The following NRXN3 variants were observed in gnomAD, a reference collection of about 807,000 sequenced individuals.
NRXN3 encodes neurexin III.
In NRXN3, 32 loss-of-function variants were observed where a neutral mutation model predicts 137.6. The ratio of observed to expected loss-of-function variants is 0.23; its 90% CI spans 0.18 to 0.31. The LOEUF is 0.31. Among genes scored for constraint, NRXN3 ranks in the 10% least tolerant of loss-of-function variants. NRXN3 has a pLI of 1.00. For missense variants in NRXN3, 1,574 were observed against 2,062.5 expected (o/e 0.76, Z 4.59); for synonymous variants, 798 against 784.5 (o/e 1.02, Z -0.29).
intron 8 of NRXN3, among the ~76,000 whole-genome samples, chr14:78,784,831 A>G (rs1170353814): frequency 6.6e-6 from 1 of 152,154 alleles, no homozygotes; most frequent in African/African-American, 2.4e-5. Flanking sequence ...GCGTGTTCTC[A>G]GAAGATAGAC....
chr14:79,787,586 C>G (rs1396801802), intron 19 of NRXN3, among the ~76,000 whole-genome samples: 2 of 152,184 alleles, frequency 1.3e-5, no homozygotes, highest in Non-Finnish European at 2.9e-5. Flanking sequence ...AACCACCACT[C>G]TACTCTCTAT....
At chr14:79,318,445 G>A (rs923255389) in intron 15 of NRXN3, among the ~76,000 whole-genome samples, 1 of 152,154 alleles carries the variant, frequency 6.6e-6, no homozygotes, top group African/African-American at 2.4e-5. Flanking sequence ...ATGCTAGGAC[G>A]ATTACTTTAT....
chr14:79,697,496 G>GT, intron 18 of NRXN3, 134 bp from the exon 19 acceptor site: 1 of 819,796 alleles, frequency 1.2e-6, no homozygotes, highest in Non-Finnish European at 1.9e-6. Context: ...CAGTACTGAG[G>GT]TTTTGTTGTC....
At chr14:79,018,651 G>A (rs1208603404) in intron 15 of NRXN3, among the ~76,000 whole-genome samples, 1 of 152,116 alleles carries the variant, frequency 6.6e-6, no homozygotes, top group Non-Finnish European at 1.5e-5. Flanking sequence ...GAATGAATAA[G>A]CAAAATCAAT....
At chr14:78,968,893 G>A (rs1018240827) in intron 14 of NRXN3, among the ~76,000 whole-genome samples, 2 of 152,194 alleles carry the variant, frequency 1.3e-5, no homozygotes, top group African/African-American at 4.8e-5. Flanking sequence ...TTGCTAGGCA[G>A]TTCTTTAGTG....
chr14:78,908,733 A>C lies in NRXN3; in HGVS notation c.2276-48509A>C, dbSNP rs991995348. ...GTTTGAATAGAGGCCCTATCAGAGC[A>C]ACATGAATTCTATTAAAATTGCAGC... On this transcript the variant is annotated intron_variant, in intron 10 of 20. Coordinates refer to ENST00000335750, the MANE Select transcript of NRXN3 (RefSeq NM_001330195.2). Among the ~76,000 whole-genome samples, 13 of 152,236 alleles carry C rather than the reference A, an allele frequency of 8.5e-5. No individual in the cohort carries two copies. The East Asian group carries it at 2.1e-3, about 25-fold the overall frequency.
intron 8 of NRXN3, among the ~76,000 whole-genome samples, chr14:78,778,772 C>G (rs377665390): frequency 2.4e-5 from 2 of 82,098 alleles, no homozygotes; most frequent in African/African-American, 1.2e-4. Flanking sequence ...TTCTTTCTTT[C>G]TTTCTTTCTT....
chr14:78,232,964 T>G (rs2065652350), intron 1 of NRXN3, among the ~76,000 whole-genome samples: 1 of 152,342 alleles, frequency 6.6e-6, no homozygotes, highest in East Asian at 1.9e-4. Context: ...TTACAAGGCC[T>G]GAGTTCTTTG....
chr14:78,278,923 T>G (rs1487970675), intron 3 of NRXN3, among the ~76,000 whole-genome samples: 1 of 152,220 alleles, frequency 6.6e-6, no homozygotes, highest in East Asian at 1.9e-4. Context: ...ATTCAGAAAA[T>G]GAACATTTTT....
At chr14:79,628,082 T>C (rs1488755820) in intron 16 of NRXN3, among the ~76,000 whole-genome samples, 1 of 152,198 alleles carries the variant, frequency 6.6e-6, no homozygotes, top group Non-Finnish European at 1.5e-5. Context: ...TCCGTTGACA[T>C]AAAAGTAATT....
chr14:79,454,103 A>G (rs1157731291), intron 15 of NRXN3, among the ~76,000 whole-genome samples: 1 of 150,468 alleles, frequency 6.6e-6, no homozygotes, highest in Non-Finnish European at 1.5e-5. Context: ...TTTTTTTTTT[A>G]AGACAGAGTC....
At chr14:78,703,008 G>A (rs1351275575) in intron 6 of NRXN3, among the ~76,000 whole-genome samples, 1 of 152,174 alleles carries the variant, frequency 6.6e-6, no homozygotes, top group Non-Finnish European at 1.5e-5. Flanking sequence ...AACACAGTTG[G>A]TAAGGTGTCC....
chr14:78,543,949 G>A (rs1488693732), intron 4 of NRXN3, among the ~76,000 whole-genome samples: 4 of 152,064 alleles, frequency 2.6e-5, no homozygotes, highest in Admixed American at 1.3e-4. Flanking sequence ...TCTCTTGGGA[G>A]GTGCATAGAA....
intron 2 of NRXN3, 30 bp from the exon 3 acceptor site, chr14:78,278,615 C>G (rs1219780656): frequency 1.3e-6 from 2 of 1,528,870 alleles, no homozygotes; most frequent in Admixed American, 3.9e-5. Flanking sequence ...TCCTCTCTCC[C>G]TTTCCCTCCC....
intron 15 of NRXN3, among the ~76,000 whole-genome samples, chr14:79,172,416 A>AAT (rs1338757590): frequency 6.6e-6 from 1 of 152,138 alleles, no homozygotes; most frequent in Non-Finnish European, 1.5e-5. Context: ...AACAATTTTG[A>AAT]ATATCTCTGA....
chr14:78,179,116 G>A (rs1048733325), intron 1 of NRXN3, among the ~76,000 whole-genome samples: 3 of 152,110 alleles, frequency 2.0e-5, no homozygotes, highest in African/African-American at 7.2e-5. Flanking sequence ...ATGTTCAGAA[G>A]GAGTTACCTC....
rs80105736 is a variant in NRXN3 at position 78,533,788 on chromosome 14, C to A, written c.758-111332C>A. 8.4e-3 allele frequency among the ~76,000 whole-genome samples: 1,282 copies of A among 152,318 alleles called. 15 individuals are homozygous for A. The highest frequency in any genetic ancestry group is 0.029 in the African/African-American group (1,202 of 41,562). The stretch of plus-strand genomic sequence containing the variant: ...TCCATCCGTTACCAAGGTTGAAGCA[C>A]CTTCCTTTCTGTTGGTATAAAGTAC... On this transcript the variant is annotated intron_variant, in intron 4 of 20. Transcript: ENST00000335750.
intron 4 of NRXN3, among the ~76,000 whole-genome samples, chr14:78,583,628 T>G (rs1228249144): frequency 6.6e-6 from 1 of 152,250 alleles, no homozygotes; most frequent in African/African-American, 2.4e-5. Context: ...GAAGTCACTG[T>G]CTGCAGAAAT....
intron 19 of NRXN3, among the ~76,000 whole-genome samples, chr14:79,803,938 T>C (rs2099192543): frequency 7.1e-6 from 1 of 140,098 alleles, no homozygotes; most frequent in Non-Finnish European, 1.6e-5. Flanking sequence ...TGTGTGTATA[T>C]ATATATGTAT....
Sources: allele counts gnomAD v4.1 joint callset (sites outside exome capture counted in the v4.1 genomes callset), GRCh38; gene constraint gnomAD v4.1.1; transcripts MANE v1.5; gene names NCBI Gene and HGNC (gene_info 2026-07-23, HGNC 2026-07-21).